The following ARFGEF3 variants were observed in gnomAD, a reference collection of about 807,000 sequenced individuals.
ARFGEF3 encodes the protein ARFGEF family member 3.
A neutral mutation model predicts 221.7 loss-of-function variants in ARFGEF3; 96 were observed. The observed-to-expected ratio is 0.43, with a 90% CI of 0.37 to 0.51. ARFGEF3 has a LOEUF of 0.51. ARFGEF3 is among the 20% of genes least tolerant of loss of function. The probability of loss-of-function intolerance (pLI) is 0.00; values close to 1 mark genes in which losing one functional copy is unlikely to be tolerated. For missense variants in ARFGEF3, 2,410 were observed against 2,789.9 expected (o/e 0.86, Z 3.07); for synonymous variants, 1,145 against 1,126.8 (o/e 1.02, Z -0.32).
intron 4 of ARFGEF3, among the ~76,000 whole-genome samples, chr6:138,226,907 G>A (rs1351572469): frequency 6.6e-6 from 1 of 152,152 alleles, no homozygotes; most frequent in Non-Finnish European, 1.5e-5. Flanking sequence ...TCCCAGGAGG[G>A]CATGGACACC....
chr6:138,188,733 C>T (rs917144797), intron 2 of ARFGEF3, among the ~76,000 whole-genome samples: 3 of 152,246 alleles, frequency 2.0e-5, no homozygotes, highest in Admixed American at 6.5e-5. Context: ...CTTGTCTTCA[C>T]ATCACATAGT....
intron 2 of ARFGEF3, among the ~76,000 whole-genome samples, chr6:138,179,653 T>C (rs958903984): frequency 6.6e-6 from 1 of 152,234 alleles, no homozygotes; most frequent in Non-Finnish European, 1.5e-5. Context: ...CATTCATCAG[T>C]GTTTATACTT....
chr6:138,170,525 G>A lies in ARFGEF3; in HGVS notation c.86-137G>A, dbSNP rs187795714. On this transcript the variant is annotated intron_variant, in intron 1 of 33. Coordinates refer to ENST00000251691, the MANE Select transcript of ARFGEF3 (RefSeq NM_020340.5). Reference sequence around the variant, plus strand: ...AAGGATTTTAAAATATGAAGGACTTGCATGCAGATAGTTGAGAATTGACTA... The same window carrying A: ...AAGGATTTTAAAATATGAAGGACTTACATGCAGATAGTTGAGAATTGACTA... The A allele has an allele frequency of 2.9e-4, 171 of 590,358 alleles. 1 individual carries two copies. Among genetic ancestry groups the A allele is most frequent in the African/African-American group, 2.1e-3 (114 of 53,292 alleles). The allele number at this position is 590,358 out of a possible 1,614,324, so 36.6% of individuals were successfully genotyped here.
intron 22 of ARFGEF3, 81 bp from the exon 23 acceptor site, chr6:138,307,172 A>C: frequency 7.0e-7 from 1 of 1,425,498 alleles, no homozygotes; most frequent in Non-Finnish European, 9.7e-7. Context: ...AATAGGGGAC[A>C]GAGAAATACA....
intron 2 of ARFGEF3, among the ~76,000 whole-genome samples, chr6:138,181,135 G>C (rs1361958767): frequency 1.3e-5 from 2 of 152,056 alleles, no homozygotes; most frequent in Non-Finnish European, 2.9e-5. Context: ...CCATTACAAG[G>C]CCTGTCCTTG....
intron 32 of ARFGEF3, among the ~76,000 whole-genome samples, chr6:138,333,261 C>T (rs900950207): frequency 6.6e-6 from 1 of 152,172 alleles, no homozygotes; most frequent in Admixed American, 6.5e-5. Context: ...AATTCCACAT[C>T]TGACCTCATG....
intron 5 of ARFGEF3, among the ~76,000 whole-genome samples, chr6:138,234,657 A>AT (rs906071733): frequency 3.5e-4 from 54 of 152,162 alleles, no homozygotes; most frequent in African/African-American, 1.2e-3. Flanking sequence ...GAGAGCCAAG[A>AT]TTTTCTCTGG....
In ARFGEF3 at chr6:138,209,159, A is replaced by T. The variant is rs6905357; in HGVS notation, c.220-751A>T. ...TACATGAAGATTTCTGGATTCCTAA[A>T]TAATTCCTGGATAAATGACAGCTCA... On this transcript the variant is annotated intron_variant, in intron 3 of 33. Coordinates refer to ENST00000251691, the MANE Select transcript of ARFGEF3 (RefSeq NM_020340.5). Among the ~76,000 whole-genome samples the T allele has an allele frequency of 3.8e-3, 586 of 152,290 alleles. 1 individual carries two copies. Among genetic ancestry groups the T allele is most frequent in the African/African-American group, 0.013 (547 of 41,534 alleles).
intron 10 of ARFGEF3, among the ~76,000 whole-genome samples, chr6:138,257,920 T>C (rs1778715765): frequency 6.6e-6 from 1 of 152,240 alleles, no homozygotes; most frequent in Non-Finnish European, 1.5e-5. Context: ...TAAACAAATA[T>C]GTGGTGTACT....
At chr6:138,212,605 A>G (rs1189061528) in intron 4 of ARFGEF3, among the ~76,000 whole-genome samples, 1 of 152,264 alleles carries the variant, frequency 6.6e-6, no homozygotes, top group African/African-American at 2.4e-5. Flanking sequence ...TATTCACAAT[A>G]GCAAAGACTT....
At chr6:138,176,021 T>C (rs1012300491) in intron 2 of ARFGEF3, among the ~76,000 whole-genome samples, 5 of 152,266 alleles carry the variant, frequency 3.3e-5, no homozygotes, top group African/African-American at 4.8e-5. Context: ...TTATTGTTTT[T>C]GATTTAAAGT....
intron 26 of ARFGEF3, among the ~76,000 whole-genome samples, chr6:138,315,823 C>T (rs1435561280): frequency 9.4e-5 from 14 of 149,720 alleles, no homozygotes; most frequent in Non-Finnish European, 1.5e-4. Context: ...GCACTCTAGA[C>T]TGGGTGACAA....
At chr6:138,234,532 T>G (rs1289728627) in intron 5 of ARFGEF3, among the ~76,000 whole-genome samples, 1 of 151,920 alleles carries the variant, frequency 6.6e-6, no homozygotes, top group Non-Finnish European at 1.5e-5. Context: ...ACCCATTTGA[T>G]GAGATGCCTC....
At position 138,235,071 on chromosome 6, in the gene ARFGEF3, T is replaced by C. The variant is rs570592256; in HGVS notation, c.421-3438T>C. Among the ~76,000 whole-genome samples the C allele has an allele frequency of 7.2e-5, 11 of 152,358 alleles. No homozygotes were observed. The South Asian group carries it at 2.1e-3, about 29-fold the overall frequency. On this transcript the variant is annotated intron_variant, in intron 5 of 33. Transcript: ENST00000251691. ...CTGTGCTGCTTCATAATAAATACTT[T>C]AGTGATTTCTCCCTGGGTTTAACCT...
intron 2 of ARFGEF3, among the ~76,000 whole-genome samples, chr6:138,190,894 G>A (rs1201737200): frequency 6.6e-6 from 1 of 152,158 alleles, no homozygotes; most frequent in Admixed American, 6.5e-5. Flanking sequence ...GTTCCCTGTG[G>A]TGGAGAGAGA....
At chr6:138,225,261 A>C (rs1387576487) in intron 4 of ARFGEF3, among the ~76,000 whole-genome samples, 2 of 152,238 alleles carry the variant, frequency 1.3e-5, no homozygotes, top group Admixed American at 1.3e-4. Context: ...AACACTTAAC[A>C]TAAGGCATTT....
intron 2 of ARFGEF3, among the ~76,000 whole-genome samples, chr6:138,175,155 A>C (rs1181756995): frequency 2.0e-5 from 3 of 152,242 alleles, no homozygotes; most frequent in Non-Finnish European, 4.4e-5. Context: ...TGTGGTGAGC[A>C]ACAAGGGTAG....
At chr6:138,221,036 CT>C (rs1405621586) in intron 4 of ARFGEF3, among the ~76,000 whole-genome samples, 1 of 152,202 alleles carries the variant, frequency 6.6e-6, no homozygotes, top group East Asian at 1.9e-4. Context: ...CCCAGCTGTG[CT>C]TGCTCATACA....
At chr6:138,204,826 G>A (rs1204910776) in intron 2 of ARFGEF3, among the ~76,000 whole-genome samples, 5 of 152,186 alleles carry the variant, frequency 3.3e-5, no homozygotes, top group Admixed American at 3.3e-4. Flanking sequence ...CACAGCCCAT[G>A]TTCTTTCTAC....
Sources: allele counts gnomAD v4.1 joint callset (sites outside exome capture counted in the v4.1 genomes callset), GRCh38; gene constraint gnomAD v4.1.1; transcripts MANE v1.5; gene names NCBI Gene and HGNC (gene_info 2026-07-23, HGNC 2026-07-21).